The following DACH2 variants were observed in gnomAD, a reference collection of about 807,000 sequenced individuals.
DACH2 encodes dachshund homolog 2.
In DACH2, 17 loss-of-function variants were observed where a neutral mutation model predicts 35.8. The ratio of observed to expected loss-of-function variants is 0.48; its 90% confidence interval spans 0.33 to 0.71. DACH2 has a LOEUF of 0.71. DACH2 is among the 30% of genes least tolerant of loss of function. The pLI is 0.02. For missense variants in DACH2, 469 were observed against 472.7 expected, an observed-to-expected ratio of 0.99 and a Z score of 0.07; for synonymous variants, 195 against 177.3, an observed-to-expected ratio of 1.10 and a Z score of -0.79.
intron 4 of DACH2, among the ~76,000 whole-genome samples, chrX:86,660,589 A>G (rs1414961295): frequency 8.9e-6 from 1 of 111,993 alleles, no homozygotes; most frequent in Non-Finnish European, 1.9e-5. Flanking sequence ...AACGGAGTTT[A>G]CAATAAGTAA....
chrX:86,662,772 T>A (rs1340023485), intron 4 of DACH2, among the ~76,000 whole-genome samples: 2 of 111,663 alleles, frequency 1.8e-5, no homozygotes, highest in Non-Finnish European at 3.8e-5. Flanking sequence ...TCTTCCTAGA[T>A]TTTTTTCTCT....
chrX:86,304,795 GTAC>G (rs777286399), intron 1 of DACH2: 12 of 156,026 alleles, frequency 7.7e-5, no homozygotes, highest in Non-Finnish European at 1.4e-4. Flanking sequence ...ACCTCTGCCA[GTAC>G]TTTGCAGAGA....
chrX:86,737,689 G>T (rs775737195), intron 6 of DACH2, among the ~76,000 whole-genome samples: 1 of 111,566 alleles, frequency 9.0e-6, no homozygotes, highest in African/African-American at 3.2e-5. Context: ...GTGTGGTCAA[G>T]GTGTGCTGCA....
intron 2 of DACH2, among the ~76,000 whole-genome samples, chrX:86,425,030 G>T (rs960369083): frequency 1.8e-4 from 20 of 110,902 alleles, no homozygotes; most frequent in African/African-American, 5.9e-4. Flanking sequence ...GAGCCCACTT[G>T]GTCATGATGA....
chrX:86,548,854 A>C (rs1371047511), intron 3 of DACH2, among the ~76,000 whole-genome samples: 2 of 112,356 alleles, frequency 1.8e-5, no homozygotes, highest in Non-Finnish European at 3.8e-5. Flanking sequence ...TTCGTGATAC[A>C]TAAGAGGAAA....
At chrX:86,194,513 C>A (rs1399241059) in intron 1 of DACH2, among the ~76,000 whole-genome samples, 1 of 111,849 alleles carries the variant, frequency 8.9e-6, no homozygotes. Flanking sequence ...CCTGGAAACC[C>A]TGCACCAGGC....
At chrX:86,364,393 T>C (rs755507882) in intron 1 of DACH2, among the ~76,000 whole-genome samples, 1 of 111,503 alleles carries the variant, frequency 9.0e-6, no homozygotes, top group Admixed American at 9.6e-5. Flanking sequence ...AGTAAAAGAC[T>C]AAGAATCTCA....
chrX:86,507,015 A>G (rs2148263235), intron 2 of DACH2, among the ~76,000 whole-genome samples: 1 of 111,757 alleles, frequency 8.9e-6, no homozygotes, highest in African/African-American at 3.2e-5. Context: ...TTTTAAGATT[A>G]GTTGCTAATA....
At chrX:86,468,181 G>C (rs2037704628) in intron 2 of DACH2, among the ~76,000 whole-genome samples, 1 of 111,583 alleles carries the variant, frequency 9.0e-6, no homozygotes, top group African/African-American at 3.3e-5. Flanking sequence ...ATGTTGAATG[G>C]CTTTGGGTTA....
At chrX:86,206,230 T>C (rs935242929) in intron 1 of DACH2, among the ~76,000 whole-genome samples, 11 of 110,545 alleles carry the variant, frequency 1.0e-4, no homozygotes, top group Admixed American at 4.8e-4. Flanking sequence ...CTTTGGTATA[T>C]ACATTCAGCC....
chrX:86,832,070 C>T (rs747438463), intron 11 of DACH2, 36 bp from the exon 12 acceptor site: 5 of 1,019,634 alleles, frequency 4.9e-6, no homozygotes, highest in Non-Finnish European at 6.8e-6. Flanking sequence ...CAGAATGACT[C>T]TTCATAAGAA....
At chrX:86,777,844 T>C (rs866106281) in intron 7 of DACH2, among the ~76,000 whole-genome samples, 4 of 111,905 alleles carry the variant, frequency 3.6e-5, no homozygotes, top group African/African-American at 1.3e-4. Flanking sequence ...CAATAGTATC[T>C]ATTTTAGTAT....
intron 1 of DACH2, among the ~76,000 whole-genome samples, chrX:86,324,387 T>G (rs1224662834): frequency 2.7e-5 from 3 of 111,065 alleles, no homozygotes; most frequent in African/African-American, 6.6e-5. Context: ...TGAACATTGC[T>G]GAAATGACAA....
intron 3 of DACH2, among the ~76,000 whole-genome samples, chrX:86,552,607 A>G (rs901714838): frequency 1.8e-5 from 2 of 112,232 alleles, no homozygotes; most frequent in African/African-American, 6.5e-5. Flanking sequence ...AGTGCATGCT[A>G]TGAAAATGCA....
At chrX:86,379,258 A>G (rs1338873243) in intron 2 of DACH2, among the ~76,000 whole-genome samples, 1 of 111,437 alleles carries the variant, frequency 9.0e-6, no homozygotes, top group African/African-American at 3.2e-5. Flanking sequence ...ACAAAACTTC[A>G]TTTGAACTTT....
intron 11 of DACH2, among the ~76,000 whole-genome samples, chrX:86,827,135 A>G (rs1467842093): frequency 8.9e-6 from 1 of 111,921 alleles, no homozygotes; most frequent in Non-Finnish European, 1.9e-5. Context: ...TATTGTAAAT[A>G]TAAACCTCTA....
chrX:86,832,118 A>G lies in DACH2; in HGVS notation c.1763A>G (p.Tyr588Cys). Residue 588 changes from tyrosine (Y) to cysteine (C), a missense_variant, in exon 12 of 12, where the codon TAC (tyrosine) becomes TGC (cysteine). Transcript: ENST00000373125. Reference protein sequence around the residue: ...DSAAMQGGNYYCLEMAQQLYS... With the variant: ...DSAAMQGGNYCCLEMAQQLYS... ...CTTTTTTTTTAAGGAGGTAACTATT[A>G]CTGTTTAGAAATGGCACAACAGTTG... 1 of 1,192,245 alleles carries G rather than the reference A, an allele frequency of 8.4e-7. No homozygotes were observed. Among genetic ancestry groups the G allele is most frequent in the Non-Finnish European group, 1.1e-6 (1 of 880,232 alleles).
chrX:86,479,688 C>T (rs1450465077), intron 2 of DACH2, among the ~76,000 whole-genome samples: 2 of 111,892 alleles, frequency 1.8e-5, no homozygotes, highest in Non-Finnish European at 3.8e-5. Flanking sequence ...TCTCCTGTAA[C>T]TATGTATTTC....
intron 1 of DACH2, among the ~76,000 whole-genome samples, chrX:86,326,061 G>A (rs1445170208): frequency 9.0e-6 from 1 of 111,302 alleles, no homozygotes; most frequent in African/African-American, 3.3e-5. Context: ...TGAAAAATTT[G>A]AATTTTTCAC....
Sources: gnomAD v4.1 joint callset for allele counts (sites outside exome capture counted in the v4.1 genomes callset) on GRCh38, gnomAD v4.1.1 for gene constraint, MANE v1.5 for transcripts, NCBI Gene and HGNC (gene_info 2026-07-23, HGNC 2026-07-21) for gene names.